STAT3: variants seen among roughly 807,000 people sequenced by gnomAD.
STAT3 encodes the protein signal transducer and activator of transcription 3.
Under a neutral mutation model 114.3 loss-of-function variants are expected in STAT3, and 7 were observed. The ratio of observed to expected loss-of-function variants is 0.06; its 90% CI spans 0.03 to 0.11. The LOEUF (loss-of-function observed/expected upper bound fraction) is 0.11. STAT3 is among the 10% of genes least tolerant of loss of function. The pLI, the probability that STAT3 is intolerant of heterozygous loss-of-function variation, is 1.00. For synonymous variants in STAT3, 331 were observed against 354.5 expected, an observed-to-expected ratio of 0.93 and a Z score of 0.74; for missense variants, 364 against 960.9, an observed-to-expected ratio of 0.38 and a Z score of 8.21.
chr17:42,375,837 A>G (rs1181525973), intron 1 of STAT3, among the ~76,000 whole-genome samples: 2 of 151,400 alleles, frequency 1.3e-5, no homozygotes, highest in East Asian at 3.9e-4. Flanking sequence ...CTCAAAAAAA[A>G]AAAAGAAAAA....
At chr17:42,334,373 C>T (rs1055551609) in intron 8 of STAT3, among the ~76,000 whole-genome samples, 21 of 151,612 alleles carry the variant, frequency 1.4e-4, no homozygotes, top group Admixed American at 2.6e-4. Flanking sequence ...CTCCATTTCC[C>T]GGGTTCAAGT....
intron 1 of STAT3, among the ~76,000 whole-genome samples, chr17:42,380,306 A>G (rs1384214054): frequency 1.3e-5 from 2 of 151,008 alleles, no homozygotes; most frequent in African/African-American, 4.9e-5. Context: ...TACAGGCGTG[A>G]GCCACCATGC....
rs751900728 is a variant in STAT3 at position 42,324,972 on chromosome 17, G to A, written c.1455C>T (p.Asn485=). ...AGGAGGGGGCACTAACCTTGGGATT[G>A]TTGGTCAGCATGTTGTACCACAGGA... ...ASILWYNMLT[N]NPKNVNFFTK... is the part of the protein sequence containing the mutation. Residue 485 remains asparagine, a synonymous_variant, in exon 16 of 24, where the codon AAC becomes AAT. Coordinates refer to ENST00000264657, the MANE Select transcript of STAT3 (RefSeq NM_139276.3). This position sits in a 1 kb window ranked among gnomAD's most constrained non-coding sequence, Gnocchi z 4.5. 1.2e-6 allele frequency: 2 copies of A among 1,614,214 alleles called. No homozygotes were observed. The highest frequency in any genetic ancestry group is 4.5e-5 in the East Asian group (2 of 44,886).
intron 1 of STAT3, among the ~76,000 whole-genome samples, chr17:42,352,525 G>A (rs1460953038): frequency 1.3e-5 from 2 of 151,002 alleles, no homozygotes; most frequent in Non-Finnish European, 3.0e-5. Flanking sequence ...AGAAATCAAA[G>A]GCCATTAGAT....
At chr17:42,317,624 C>T (rs768679684) in intron 21 of STAT3, 27 of 287,392 alleles carry the variant, frequency 9.4e-5, no homozygotes, top group Non-Finnish European at 1.6e-4. Flanking sequence ...ATGCAGGAAC[C>T]GAGCCTGTGT....
At chr17:42,379,467 G>A (rs1300739909) in intron 1 of STAT3, among the ~76,000 whole-genome samples, 4 of 152,150 alleles carry the variant, frequency 2.6e-5, no homozygotes, top group Non-Finnish European at 4.4e-5. Context: ...TTGCATGTAC[G>A]CACACACACA....
At chr17:42,340,287 T>G (rs1598427886) in intron 4 of STAT3, among the ~76,000 whole-genome samples, 1 of 142,676 alleles carries the variant, frequency 7.0e-6, no homozygotes, top group Non-Finnish European at 1.5e-5. Flanking sequence ...ACCCGGGAGG[T>G]GGAGGTTGTG....
chr17:42,364,311 CA>C (rs1470499246), intron 1 of STAT3, among the ~76,000 whole-genome samples: 2 of 152,112 alleles, frequency 1.3e-5, no homozygotes, highest in African/African-American at 4.8e-5. Flanking sequence ...CTGAGGAATT[CA>C]CCTTCATAGG....
intron 3 of STAT3, 123 bp from the exon 4 acceptor site, chr17:42,345,780 C>A (rs1369622026): frequency 2.0e-6 from 2 of 992,110 alleles, no homozygotes; most frequent in Middle Eastern, 6.0e-4. Context: ...AACAACGGAA[C>A]AAAGGCTTCA....
At chr17:42,375,427 T>C (rs2084394454) in intron 1 of STAT3, among the ~76,000 whole-genome samples, 2 of 152,202 alleles carry the variant, frequency 1.3e-5, no homozygotes, top group Non-Finnish European at 2.9e-5. Flanking sequence ...TTCTTTCTTC[T>C]TTTTAAGCAA....
rs1297352056 is a variant in STAT3 at position 42,348,490 on chromosome 17, C to T, written c.27G>A (p.Gln9=). The T allele has an allele frequency of 2.5e-6, 4 of 1,613,782 alleles. No individual in the cohort carries two copies. The African/African-American group carries it at 5.3e-5, about 22-fold the overall frequency. The change falls in exon 2 of 24, where the codon CAG becomes CAA. Residue 9 remains glutamine (Q), a synonymous_variant. Transcript: ENST00000264657. MAQWNQLQ[Q]LDTRYLEQLH... is the part of the protein sequence containing the mutation. ...GCTGCTCCAGGTACCGTGTGTCAAGCTGCTGTAGCTGATTCCATTGGGCCA... is the reference window on the plus strand; with the variant it reads ...GCTGCTCCAGGTACCGTGTGTCAAGTTGCTGTAGCTGATTCCATTGGGCCA...
At chr17:42,367,264 A>G (rs753107086) in intron 1 of STAT3, among the ~76,000 whole-genome samples, 1 of 151,802 alleles carries the variant, frequency 6.6e-6, no homozygotes, top group African/African-American at 2.4e-5. Context: ...GCTTGAACCC[A>G]GGAAGTAGAT....
rs2081208535 is a variant in STAT3, at chr17:42,315,365, G to A, written c.*380C>T. 9.3e-6 allele frequency: 4 copies of A among 429,164 alleles called. No homozygotes were observed. The highest frequency in any genetic ancestry group is 4.2e-5 in the East Asian group (1 of 24,042). 26.6% of individuals were successfully genotyped at this position (429,164 alleles called of 1,614,324 possible). A position where few individuals can be genotyped will look rare whatever the true frequency, so the allele number is the denominator to read the frequency against. On this transcript the variant is annotated 3_prime_UTR_variant, in exon 24 of 24. Transcript: ENST00000264657. ...TTACAGAAACAGGCAGAAGGATGCC[G>A]CAGGCACCAGGAGGCACTTGTCTAA...
intron 1 of STAT3, among the ~76,000 whole-genome samples, chr17:42,352,946 T>C (rs2083042521): frequency 6.6e-6 from 1 of 152,222 alleles, no homozygotes; most frequent in Admixed American, 6.5e-5. Flanking sequence ...GTAAAGTATC[T>C]TGTTCATGTT....
At chr17:42,339,060 T>G (rs1273224158) in intron 5 of STAT3, among the ~76,000 whole-genome samples, 1 of 151,888 alleles carries the variant, frequency 6.6e-6, no homozygotes, top group Non-Finnish European at 1.5e-5. Flanking sequence ...ATGATCAGCC[T>G]GGACAACACA....
chr17:42,383,508 T>C (rs1334361872), intron 1 of STAT3, among the ~76,000 whole-genome samples: 3 of 152,144 alleles, frequency 2.0e-5, no homozygotes, highest in Non-Finnish European at 4.4e-5. Context: ...TGGCCCGATA[T>C]GCTACTCCTT....
chr17:42,315,335 T>G lies in STAT3; in HGVS notation c.*410A>C. On this transcript the variant is annotated 3_prime_UTR_variant, in exon 24 of 24. Coordinates refer to ENST00000264657, the MANE Select transcript of STAT3 (RefSeq NM_139276.3). Reference sequence around the variant, plus strand: ...ATGTAGCTATAGGTGGCCTGTGGCATTTGCTTACAGAAACAGGCAGAAGGA... The same window carrying G: ...ATGTAGCTATAGGTGGCCTGTGGCAGTTGCTTACAGAAACAGGCAGAAGGA... The G allele has an allele frequency of 2.4e-6, 1 of 408,510 alleles. No homozygotes were observed. The highest frequency in any genetic ancestry group is 4.5e-6 in the Non-Finnish European group (1 of 221,206). 25.3% of individuals were successfully genotyped at this position (408,510 alleles called of 1,614,324 possible). A position where few individuals can be genotyped will look rare whatever the true frequency, so the allele number is the denominator to read the frequency against.
intron 1 of STAT3, among the ~76,000 whole-genome samples, chr17:42,376,174 T>C (rs976376537): frequency 6.7e-6 from 1 of 150,286 alleles, no homozygotes; most frequent in Non-Finnish European, 1.5e-5. Flanking sequence ...GAAAGAATGA[T>C]TGATAAACCA....
rs781353111 is a variant in STAT3, at chr17:42,323,601, C to T, written c.1625G>A (p.Cys542Tyr). 1 of 1,612,162 alleles carries T rather than the reference C, an allele frequency of 6.2e-7. No individual in the cohort carries two copies. The highest frequency in any genetic ancestry group is 1.7e-5 in the Admixed American group (1 of 59,938). ...GCAAAATTTAGCCCATGTGATCTGA[C>T]ACCCTGAATAATTCACACCAGGTCC... ...LLGPGVNYSG[C>Y]QITWAKFCKE... is the part of the protein sequence containing the mutation. Residue 542 changes from cysteine (C) to tyrosine (Y), a missense_variant, in exon 18 of 24, where the codon TGT (cysteine) becomes TAT (tyrosine). Coordinates refer to ENST00000264657, the MANE Select transcript of STAT3 (RefSeq NM_139276.3).
Sources: allele counts gnomAD v4.1 joint callset (sites outside exome capture counted in the v4.1 genomes callset), GRCh38; gene constraint gnomAD v4.1.1; non-coding constraint Gnocchi (gnomAD v3.1); transcripts MANE v1.5; gene names NCBI Gene and HGNC (gene_info 2026-07-23, HGNC 2026-07-21).